The following RAPGEF2 variants were observed in gnomAD, a reference collection of about 807,000 sequenced individuals.
RAPGEF2 encodes Rap guanine nucleotide exchange factor 2, also known as PDZ domain containing guanine nucleotide exchange factor (GEF) 1.
In RAPGEF2, 54 loss-of-function variants were observed where a neutral mutation model predicts 186.7. The ratio of observed to expected loss-of-function variants is 0.29; its 90% CI spans 0.23 to 0.36. The LOEUF (loss-of-function observed/expected upper bound fraction) is 0.36. RAPGEF2 is among the 10% of genes least tolerant of loss of function. The probability of loss-of-function intolerance (pLI) is 1.00; values close to 1 mark genes in which losing one functional copy is unlikely to be tolerated. For missense variants in RAPGEF2, 1,532 were observed against 2,045.0 expected (o/e 0.75, Z 4.84); for synonymous variants, 712 against 705.9 (o/e 1.01, Z -0.14).
At chr4:159,332,763 A>G in intron 17 of RAPGEF2, 66 bp downstream of exon 17, 1 of 1,528,434 alleles carries the variant, frequency 6.5e-7, no homozygotes, top group Non-Finnish European at 8.9e-7. Context: ...AAAGATAGTG[A>G]TGTAATTAAT....
At chr4:159,143,326 T>C (rs1344300553) in intron 1 of RAPGEF2, among the ~76,000 whole-genome samples, 2 of 152,168 alleles carry the variant, frequency 1.3e-5, no homozygotes, top group Non-Finnish European at 2.9e-5. Context: ...AAATTTCCTC[T>C]AATTTTGTTT....
Position 159,261,352 on chromosome 4 carries a change from G to A in RAPGEF2, c.543+17561G>A, listed in dbSNP as rs187621275. On this transcript the variant is annotated intron_variant, in intron 7 of 29. Transcript: ENST00000691494. The stretch of plus-strand genomic sequence containing the variant: ...GCTGGGATTACGGGCGTGAGCCACC[G>A]CATCCAGCTGAAAAAGGTTAATTAT... 1.4e-3 allele frequency among the ~76,000 whole-genome samples: 217 copies of A among 152,096 alleles called. 1 individual carries two copies. The Middle Eastern group carries it at 0.024, about 17-fold the overall frequency.
chr4:159,103,246 C>G lies in RAPGEF2; in HGVS notation c.-917C>G, dbSNP rs2111032447. 6.6e-6 allele frequency: 1 copy of G among 152,016 alleles called. No individual in the cohort carries two copies. Among genetic ancestry groups the G allele is most frequent in the Middle Eastern group, 3.4e-3 (1 of 292 alleles). 9.4% of individuals were successfully genotyped at this position (152,016 alleles called of 1,614,324 possible). On this transcript the variant is annotated 5_prime_UTR_variant, in exon 1 of 30. Coordinates refer to ENST00000691494, the MANE Select transcript of RAPGEF2 (RefSeq NM_001394067.2). Reference sequence around the variant, plus strand: ...AGTCCGAACCCGGGCTGTCCGCGGCCCCCTCTTCCCCCTCCTCCGCCCCGC... The same window carrying G: ...AGTCCGAACCCGGGCTGTCCGCGGCGCCCTCTTCCCCCTCCTCCGCCCCGC...
At chr4:159,279,451 A>G (rs1048843173) in intron 7 of RAPGEF2, among the ~76,000 whole-genome samples, 1 of 152,172 alleles carries the variant, frequency 6.6e-6, no homozygotes, top group Non-Finnish European at 1.5e-5. Context: ...TCCTCCCTCA[A>G]CATTTAGAAG....
intron 17 of RAPGEF2, among the ~76,000 whole-genome samples, chr4:159,334,212 A>G (rs1482452700): frequency 6.6e-6 from 1 of 152,192 alleles, no homozygotes; most frequent in Non-Finnish European, 1.5e-5. Flanking sequence ...TTATTTTTAA[A>G]TGGATGAAAA....
intron 17 of RAPGEF2, among the ~76,000 whole-genome samples, chr4:159,336,256 G>A (rs115009305): frequency 0.027 from 4,095 of 151,552 alleles, 183 homozygotes; most frequent in African/African-American, 0.094. Flanking sequence ...TGGGATTTTA[G>A]TGCACCCATC....
At chr4:159,255,060 T>G (rs531011925) in intron 7 of RAPGEF2, among the ~76,000 whole-genome samples, 2 of 152,220 alleles carry the variant, frequency 1.3e-5, no homozygotes, top group Non-Finnish European at 2.9e-5. Context: ...GTATTACAGT[T>G]GTCTGCAGGA....
At chr4:159,219,865 G>T (rs890052216) in intron 4 of RAPGEF2, among the ~76,000 whole-genome samples, 2 of 152,106 alleles carry the variant, frequency 1.3e-5, no homozygotes, top group Non-Finnish European at 2.9e-5. Context: ...TTTGATATGC[G>T]TATACTTCTA....
intron 1 of RAPGEF2, among the ~76,000 whole-genome samples, chr4:159,112,502 G>A (rs1385383803): frequency 1.3e-5 from 2 of 152,112 alleles, no homozygotes; most frequent in African/African-American, 4.8e-5. Flanking sequence ...GAGTCCCAAT[G>A]GCCAAATTTG....
chr4:159,291,752 T>C (rs997736314), intron 7 of RAPGEF2, among the ~76,000 whole-genome samples: 1 of 152,030 alleles, frequency 6.6e-6, no homozygotes, highest in East Asian at 1.9e-4. Flanking sequence ...TCACTATCCA[T>C]TGTATATATA....
intron 7 of RAPGEF2, among the ~76,000 whole-genome samples, chr4:159,301,217 A>G (rs995712690): frequency 3.9e-5 from 6 of 152,080 alleles, no homozygotes; most frequent in Non-Finnish European, 7.4e-5. Context: ...TGCTTAAAAA[A>G]GAAAAATTAG....
At chr4:159,349,833 A>T (rs780962479) in intron 25 of RAPGEF2, among the ~76,000 whole-genome samples, 22 of 152,230 alleles carry the variant, frequency 1.4e-4, no homozygotes, top group Admixed American at 2.0e-4. Context: ...ATTGTTGCCT[A>T]ACATATTGTT....
chr4:159,267,794 T>G, intron 7 of RAPGEF2: 3 of 830,296 alleles, frequency 3.6e-6, no homozygotes, highest in Non-Finnish European at 4.4e-6. Flanking sequence ...CTTTTTTCTT[T>G]TTTTTTTTTT....
At chr4:159,216,834 A>G (rs1377720188) in intron 4 of RAPGEF2, among the ~76,000 whole-genome samples, 1 of 152,180 alleles carries the variant, frequency 6.6e-6, no homozygotes, top group African/African-American at 2.4e-5. Context: ...AAAAATTAAA[A>G]TTGTGCTGTG....
In RAPGEF2 at chr4:159,104,515, A is replaced by AGAGAGAGAGAGAGAGAGAGAGG. The variant is rs1560964586; in HGVS notation, c.69+295_69+296insAGAGAGAGAGGGAGAGAGAGAG. Among the ~76,000 whole-genome samples the AGAGAGAGAGAGAGAGAGAGAGG allele has an allele frequency of 2.7e-4, 35 of 130,394 alleles. 1 individual carries two copies. The highest frequency in any genetic ancestry group is 1.1e-3 in the African/African-American group (33 of 29,928). The allele number at this position is 130,394 out of a possible 152,430, so 85.5% of individuals were successfully genotyped here. A position where few individuals can be genotyped will look rare whatever the true frequency, so the allele number is the denominator to read the frequency against. ...GAGAGAGAGAGAGAGAGAGAGAGAG[A>AGAGAGAGAGAGAGAGAGAGAGG]GAGAGAGAGAGGGAGAGACAGAGAG... On this transcript the variant is annotated intron_variant, in intron 1 of 29. Transcript: ENST00000691494.
intron 7 of RAPGEF2, among the ~76,000 whole-genome samples, chr4:159,280,572 A>T (rs4691553): frequency 7.9e-5 from 12 of 152,086 alleles, no homozygotes; most frequent in African/African-American, 2.9e-4. Flanking sequence ...TCACAGGTAT[A>T]TACATTACTC....
intron 11 of RAPGEF2, among the ~76,000 whole-genome samples, chr4:159,324,211 A>G (rs1765627369): frequency 6.6e-6 from 1 of 151,034 alleles, no homozygotes; most frequent in African/African-American, 2.4e-5. Flanking sequence ...TATTTTTAGT[A>G]GAGACGGGGT....
intron 25 of RAPGEF2, among the ~76,000 whole-genome samples, chr4:159,347,896 AAC>A (rs1202945988): frequency 1.3e-5 from 2 of 152,154 alleles, no homozygotes; most frequent in Non-Finnish European, 2.9e-5. Flanking sequence ...ATGTGAATGA[AAC>A]AGTTAATAAA....
intron 7 of RAPGEF2, among the ~76,000 whole-genome samples, chr4:159,301,309 G>A (rs1406236758): frequency 6.6e-6 from 1 of 152,162 alleles, no homozygotes; most frequent in Admixed American, 6.5e-5. Context: ...GGTGGAAGTT[G>A]CAGTGAGCTG....
Sources: allele counts gnomAD v4.1 joint callset (sites outside exome capture counted in the v4.1 genomes callset), GRCh38; gene constraint gnomAD v4.1.1; transcripts MANE v1.5; gene names NCBI Gene and HGNC (gene_info 2026-07-23, HGNC 2026-07-21).